The following MAD1L1 variants were observed in gnomAD, a reference collection of about 807,000 sequenced individuals.
The protein encoded by MAD1L1 is mitotic spindle assembly checkpoint protein MAD1.
MAD1L1 carries 95 observed loss-of-function variants against 96.9 expected under a neutral mutation model. That is an observed-to-expected ratio of 0.98 (90% CI 0.83 to 1.16). The LOEUF is 1.16. Ranked by LOEUF, MAD1L1 falls within the 50% of genes most tolerant of loss-of-function variation. The pLI is 0.00. For missense variants in MAD1L1, 1,007 were observed against 954.4 expected, an observed-to-expected ratio of 1.06 and a Z score of -0.73; for synonymous variants, 473 against 396.6, an observed-to-expected ratio of 1.19 and a Z score of -2.29.
chr7:2,112,863 G>GA lies in MAD1L1; in HGVS notation c.1073+36288dup, dbSNP rs34896625. ...AGCATCCTGCAGTGCCAGATAGTTT[G>GA]AAAAAAAAAAAAGGCTTTAAAAAAA... On this transcript the variant is annotated intron_variant, in intron 11 of 18. Transcript: ENST00000265854. Among the ~76,000 whole-genome samples the GA allele has an allele frequency of 9.5e-3, 1,301 of 137,510 alleles. 14 individuals carry two copies. Among genetic ancestry groups the GA allele is most frequent in the African/African-American group, 0.021 (797 of 37,538 alleles). The allele number at this position is 137,510 out of a possible 152,430, so 90.2% of individuals were successfully genotyped here. A position where few individuals can be genotyped will look rare whatever the true frequency, so the allele number is the denominator to read the frequency against.
chr7:1,993,598 G>A (rs977660793), intron 14 of MAD1L1, among the ~76,000 whole-genome samples: 1 of 152,124 alleles, frequency 6.6e-6, no homozygotes, highest in Non-Finnish European at 1.5e-5. Context: ...GGAGAAGCAG[G>A]GATCCAAATC....
At chr7:2,018,479 G>GTC (rs2128500007) in intron 12 of MAD1L1, among the ~76,000 whole-genome samples, 1 of 152,294 alleles carries the variant, frequency 6.6e-6, no homozygotes, top group African/African-American at 2.4e-5. Flanking sequence ...GGGCAGGCGC[G>GTC]TCCCGCACGA....
chr7:1,903,722 G>A (rs917192972), intron 17 of MAD1L1, among the ~76,000 whole-genome samples: 25 of 144,974 alleles, frequency 1.7e-4, no homozygotes, highest in Admixed American at 1.0e-3. Flanking sequence ...GCTCCAGGCA[G>A]CAAGGATGCA....
rs199682923 is a variant in MAD1L1, at chr7:2,224,665, C to G, written c.291+745G>C. ...GGGCACGGAGGCCAGGGAGACTTTC[C>G]GCCCAATACTCTGCCTGAACCTTGG... On this transcript the variant is annotated intron_variant, in intron 4 of 18. Coordinates refer to ENST00000265854, the MANE Select transcript of MAD1L1 (RefSeq NM_001013836.2). 5.9e-5 allele frequency among the ~76,000 whole-genome samples: 9 copies of G among 152,326 alleles called. No homozygotes were observed. The East Asian group carries it at 1.7e-3, about 29-fold the overall frequency.
At chr7:1,917,716 C>G (rs1466946936) in intron 17 of MAD1L1, among the ~76,000 whole-genome samples, 2 of 152,208 alleles carry the variant, frequency 1.3e-5, no homozygotes, top group Non-Finnish European at 2.9e-5. Flanking sequence ...GAGGGCTCCT[C>G]AGCAGTCCCT....
chr7:1,832,630 T>TGGG (rs1554266481), intron 18 of MAD1L1, among the ~76,000 whole-genome samples: 2 of 2,348 alleles, frequency 8.5e-4, no homozygotes, highest in Non-Finnish European at 1.7e-3. Context: ...TTTTTTTTTT[T>TGGG]GGCGGGGGGG....
At position 2,033,378 on chromosome 7, in the gene MAD1L1, G is replaced by A. The variant is rs559653949; in HGVS notation, c.1219-18736C>T. Among the ~76,000 whole-genome samples, 381 of 152,346 alleles carry A rather than the reference G, an allele frequency of 2.5e-3. 2 individuals are homozygous for A. The highest frequency in any genetic ancestry group is 8.5e-3 in the African/African-American group (353 of 41,578). The stretch of plus-strand genomic sequence containing the variant: ...TGGATACTCCATGGAGCAAGGCCCT[G>A]AAAGGCTGTGGGCCCCGAAGCAGTG... On this transcript the variant is annotated intron_variant, in intron 12 of 18. Transcript: ENST00000265854.
intron 10 of MAD1L1, among the ~76,000 whole-genome samples, chr7:2,184,875 G>A (rs548725043): frequency 8.6e-5 from 13 of 151,954 alleles, no homozygotes; most frequent in East Asian, 3.9e-4. Flanking sequence ...GATAGCGCAC[G>A]CCTGTAATCC....
At chr7:2,162,870 A>T (rs1351555214) in intron 10 of MAD1L1, among the ~76,000 whole-genome samples, 3 of 147,638 alleles carry the variant, frequency 2.0e-5, no homozygotes, top group African/African-American at 2.5e-5. Flanking sequence ...TTGGAGTTTC[A>T]TCTTTTTTTT....
intron 14 of MAD1L1, among the ~76,000 whole-genome samples, chr7:1,989,108 G>A (rs1781290433): frequency 6.6e-6 from 1 of 152,262 alleles, no homozygotes; most frequent in African/African-American, 2.4e-5. Flanking sequence ...CTTCTCCAGA[G>A]AAGACAGATG....
intron 5 of MAD1L1, among the ~76,000 whole-genome samples, chr7:2,221,826 AG>A (rs1246322379): frequency 6.6e-6 from 1 of 152,172 alleles, no homozygotes; most frequent in Non-Finnish European, 1.5e-5. Context: ...ACGACAGGGA[AG>A]GCTACGGGGA....
intron 17 of MAD1L1, among the ~76,000 whole-genome samples, chr7:1,932,117 G>C (rs1279416107): frequency 2.0e-5 from 3 of 152,228 alleles, no homozygotes; most frequent in African/African-American, 7.2e-5. Flanking sequence ...AATCTCTGGT[G>C]GGTTCCAGCC....
intron 12 of MAD1L1, among the ~76,000 whole-genome samples, chr7:2,037,403 C>A (rs1278601058): frequency 6.6e-6 from 1 of 152,218 alleles, no homozygotes; most frequent in Admixed American, 6.5e-5. Context: ...GTGCTTCTTA[C>A]AAATGGAAGG....
At chr7:2,000,597 C>T (rs6955417) in intron 14 of MAD1L1, among the ~76,000 whole-genome samples, 1 of 152,194 alleles carries the variant, frequency 6.6e-6, no homozygotes, top group Non-Finnish European at 1.5e-5. Flanking sequence ...AGAGCGGCCC[C>T]GGGAGAATGC....
chr7:2,199,282 C>T (rs1455888808), intron 10 of MAD1L1, among the ~76,000 whole-genome samples: 1 of 152,260 alleles, frequency 6.6e-6, no homozygotes, highest in Non-Finnish European at 1.5e-5. Flanking sequence ...GGCATATGGA[C>T]TAAGGAATGG....
rs1789074694 is a variant in MAD1L1, at chr7:2,142,275, C to A, written c.1073+6877G>T. The stretch of plus-strand genomic sequence containing the variant: ...GCCAGCATCCGCACTGGAACCACCA[C>A]AGGAAAGCAGATGCCATCAAGGGCC... On this transcript the variant is annotated intron_variant, in intron 11 of 18. Coordinates refer to ENST00000265854, the MANE Select transcript of MAD1L1 (RefSeq NM_001013836.2). This position sits in a 1 kb window ranked among gnomAD's most constrained non-coding sequence, Gnocchi z 4.7. Among the ~76,000 whole-genome samples the A allele has an allele frequency of 6.6e-6, 1 of 152,242 alleles. No homozygotes were observed. The highest frequency in any genetic ancestry group is 2.4e-5 in the African/African-American group (1 of 41,460).
At chr7:1,857,647 G>A (rs943955909) in intron 18 of MAD1L1, among the ~76,000 whole-genome samples, 1 of 152,248 alleles carries the variant, frequency 6.6e-6, no homozygotes, top group South Asian at 2.1e-4. Flanking sequence ...AGGAAGGGCT[G>A]GGCCAGCTGG....
At chr7:1,946,082 C>G (rs1490699154) in intron 16 of MAD1L1, among the ~76,000 whole-genome samples, 3 of 152,216 alleles carry the variant, frequency 2.0e-5, no homozygotes, top group African/African-American at 7.2e-5. Context: ...GGCCAGGAGG[C>G]AGCGGATGTG....
chr7:2,103,118 T>C lies in MAD1L1; in HGVS notation c.1074-33780A>G, dbSNP rs1274594916. 1.3e-5 allele frequency among the ~76,000 whole-genome samples: 2 copies of C among 152,108 alleles called. No individual in the cohort carries two copies. The highest frequency in any genetic ancestry group is 4.8e-5 in the African/African-American group (2 of 41,430). On this transcript the variant is annotated intron_variant, in intron 11 of 18. Coordinates refer to ENST00000265854, the MANE Select transcript of MAD1L1 (RefSeq NM_001013836.2). The surrounding 1 kb of genome is among the most constrained non-coding windows in gnomAD (Gnocchi z 4.3). ...GCGTCCTCTCCCACCTCAGGGCCCC[T>C]GCGCTTGCTGCTGCCTCTGCCTGGA... is the stretch of plus-strand genomic sequence containing the variant.
Sources: allele counts gnomAD v4.1 joint callset (sites outside exome capture counted in the v4.1 genomes callset), GRCh38; gene constraint gnomAD v4.1.1; non-coding constraint Gnocchi (gnomAD v3.1); transcripts MANE v1.5; gene names NCBI Gene and HGNC (gene_info 2026-07-23, HGNC 2026-07-21).